Variants in UIMC1 observed in about 807,000 individuals in gnomAD.
The protein encoded by UIMC1 is BRCA1-A complex subunit RAP80.
UIMC1 carries 42 observed loss-of-function variants against 84.9 expected under a neutral mutation model. That is an observed-to-expected ratio of 0.49 (90% CI 0.39 to 0.64). The LOEUF is 0.64. UIMC1 is among the 30% of genes least tolerant of loss of function. UIMC1 has a pLI of 0.00. For synonymous variants in UIMC1, 281 were observed against 293.0 expected, an observed-to-expected ratio of 0.96 and a Z score of 0.42; for missense variants, 825 against 847.6, an observed-to-expected ratio of 0.97 and a Z score of 0.33.
At chr5:176,930,944 A>G (rs1192144157) in intron 10 of UIMC1, among the ~76,000 whole-genome samples, 4 of 152,226 alleles carry the variant, frequency 2.6e-5, no homozygotes, top group Non-Finnish European at 4.4e-5. Flanking sequence ...GTAAAAGACT[A>G]TAGCATTCTG....
rs1759185166 is a variant in UIMC1 at position 176,905,149 on chromosome 5, T to C, written c.*133A>G. 2.4e-6 allele frequency: 2 copies of C among 817,092 alleles called. No individual in the cohort carries two copies. The highest frequency in any genetic ancestry group is 5.9e-5 in the Admixed American group (2 of 34,098). 50.6% of individuals were successfully genotyped at this position (817,092 alleles called of 1,614,324 possible). On this transcript the variant is annotated 3_prime_UTR_variant, in exon 15 of 15. Coordinates refer to ENST00000511320, the MANE Select transcript of UIMC1 (RefSeq NM_001199298.2). ...ATCATAAAAAACATAAAAACCAGAA[T>C]GCTGGGTAGGTGCTGGTGGTGAAAA...
chr5:176,953,847 A>G (rs1289295563), intron 8 of UIMC1, among the ~76,000 whole-genome samples: 1 of 152,206 alleles, frequency 6.6e-6, no homozygotes, highest in African/African-American at 2.4e-5. Context: ...ACTGTCAGAA[A>G]TATGAAACAA....
rs1362708482 is a variant in UIMC1 at position 176,907,123 on chromosome 5, T to C, written c.1903A>G (p.Lys635Glu). ...GTCCTGGGGTCCTCACCTGAAGTCT[T>C]GTGCTCAGACTGTTCCAAGAAACTA... Reference protein sequence around the residue: ...LLSFLEQSEHKTSDADIKSSE... With the variant: ...LLSFLEQSEHETSDADIKSSE... Residue 635 changes from lysine to glutamate, a missense_variant, in exon 13 of 15, where the codon AAG (lysine) becomes GAG (glutamate). Coordinates refer to ENST00000511320, the MANE Select transcript of UIMC1 (RefSeq NM_001199298.2). 6.2e-7 allele frequency: 1 copy of C among 1,613,874 alleles called. No individual in the cohort carries two copies. Among genetic ancestry groups the C allele is most frequent in the Admixed American group, 1.7e-5 (1 of 60,016 alleles).
At chr5:176,943,997 G>T (rs966769227) in intron 9 of UIMC1, among the ~76,000 whole-genome samples, 1 of 152,170 alleles carries the variant, frequency 6.6e-6, no homozygotes, top group Admixed American at 6.5e-5. Context: ...TTGCATCAGT[G>T]TGCTGTGCCT....
Position 176,911,300 on chromosome 5 carries a change from T to C in UIMC1, c.1676+11A>G, listed in dbSNP as rs768613282. ...ATACAAGAGCTCCGTGAATGCAGCATACCTACTTACTTGTCAATGTCTAGA... is the reference window on the plus strand; with the variant it reads ...ATACAAGAGCTCCGTGAATGCAGCACACCTACTTACTTGTCAATGTCTAGA... On this transcript the variant is annotated intron_variant, in intron 11 of 14. Transcript: ENST00000511320. The C allele has an allele frequency of 3.8e-6, 6 of 1,589,698 alleles. No homozygotes were observed. In the East Asian group the frequency reaches 1.4e-4, roughly 36 times the overall value.
At chr5:176,917,128 T>G (rs1445298786) in intron 10 of UIMC1, among the ~76,000 whole-genome samples, 1 of 152,148 alleles carries the variant, frequency 6.6e-6, no homozygotes, top group Non-Finnish European at 1.5e-5. Flanking sequence ...CCTGCTAAGA[T>G]CACCCCTCTT....
chr5:176,911,233 A>G, intron 11 of UIMC1, 78 bp downstream of exon 11: 1 of 1,203,224 alleles, frequency 8.3e-7, no homozygotes, highest in Admixed American at 2.5e-5. Flanking sequence ...ACAGGGTAAG[A>G]TAGGAATTGG....
intron 9 of UIMC1, among the ~76,000 whole-genome samples, chr5:176,945,693 C>T (rs1561796774): frequency 6.6e-6 from 1 of 152,174 alleles, no homozygotes; most frequent in Non-Finnish European, 1.5e-5. Context: ...TAAGATAGGG[C>T]TATAAACGCC....
chr5:176,927,524 G>GA (rs1762528766), intron 10 of UIMC1, among the ~76,000 whole-genome samples: 1 of 151,986 alleles, frequency 6.6e-6, no homozygotes, highest in African/African-American at 2.4e-5. Context: ...AAAGTGCTGG[G>GA]ATTACAGGCA....
chr5:176,969,562 T>G (rs771699385), intron 5 of UIMC1, 39 bp downstream of exon 5: 1 of 1,587,802 alleles, frequency 6.3e-7, no homozygotes, highest in East Asian at 2.2e-5. Flanking sequence ...GGTACAGTTA[T>G]ACTTGATGAA....
rs199602967 is a variant in UIMC1, at chr5:177,016,918, G to A, written c.-9+5546C>T. Among the ~76,000 whole-genome samples, 5 of 151,266 alleles carry A rather than the reference G, an allele frequency of 3.3e-5. No individual in the cohort carries two copies. The East Asian group carries it at 9.8e-4, about 30-fold the overall frequency. On this transcript the variant is annotated intron_variant, in intron 1 of 5. Coordinates refer to the UIMC1 transcript ENST00000509236. ...GGTGCCTCTAGTCCCAGCTACTCAGGAGGCTGAGGCAGGAGAATCACTTGA... is the reference window on the plus strand; with the variant it reads ...GGTGCCTCTAGTCCCAGCTACTCAGAAGGCTGAGGCAGGAGAATCACTTGA...
At chr5:176,993,824 A>G (rs1408207122) in intron 1 of UIMC1, among the ~76,000 whole-genome samples, 9 of 151,968 alleles carry the variant, frequency 5.9e-5, no homozygotes, top group Admixed American at 5.2e-4. Flanking sequence ...CCTGGTCAAC[A>G]TGGTGAAACC....
intron 10 of UIMC1, among the ~76,000 whole-genome samples, chr5:176,920,157 G>T (rs1761527993): frequency 6.6e-6 from 1 of 152,066 alleles, no homozygotes; most frequent in South Asian, 2.1e-4. Flanking sequence ...GAGTAGCTGG[G>T]ATTACAGGCA....
chr5:177,004,394 C>T (rs1327308128), intron 1 of UIMC1, among the ~76,000 whole-genome samples: 1 of 151,974 alleles, frequency 6.6e-6, no homozygotes, highest in African/African-American at 2.4e-5. Flanking sequence ...AAGAAAGGTC[C>T]CTGATCAGTT....
At chr5:176,963,465 G>A (rs1017649088) in intron 6 of UIMC1, among the ~76,000 whole-genome samples, 5 of 151,056 alleles carry the variant, frequency 3.3e-5, no homozygotes, top group Non-Finnish European at 7.4e-5. Flanking sequence ...AGGTTGCAGT[G>A]AGCTGAGATC....
At chr5:176,966,068 GA>G (rs528836404) in intron 6 of UIMC1, among the ~76,000 whole-genome samples, 1 of 151,892 alleles carries the variant, frequency 6.6e-6, no homozygotes, top group Admixed American at 6.5e-5. Context: ...TATACCTTCA[GA>G]AAAAAAATTT....
At chr5:176,925,059 A>T (rs1189018518) in intron 10 of UIMC1, among the ~76,000 whole-genome samples, 1 of 152,138 alleles carries the variant, frequency 6.6e-6, no homozygotes, top group East Asian at 1.9e-4. Flanking sequence ...AAAGCAAAAG[A>T]AAATGAATAG....
At chr5:176,991,449 G>T (rs1004289977) in intron 1 of UIMC1, among the ~76,000 whole-genome samples, 2 of 151,928 alleles carry the variant, frequency 1.3e-5, no homozygotes, top group Non-Finnish European at 2.9e-5. Context: ...GGCAAATTGA[G>T]AAGACAGATC....
At chr5:176,923,857 C>G (rs1360789914) in intron 10 of UIMC1, among the ~76,000 whole-genome samples, 3 of 121,688 alleles carry the variant, frequency 2.5e-5, no homozygotes, top group African/African-American at 8.3e-5. Flanking sequence ...GAGCAAGACT[C>G]TGTCTCAAAA....
Sources: gnomAD v4.1 joint callset for allele counts (sites outside exome capture counted in the v4.1 genomes callset) on GRCh38, gnomAD v4.1.1 for gene constraint, MANE v1.5 for transcripts, NCBI Gene and HGNC (gene_info 2026-07-23, HGNC 2026-07-21) for gene names.